MAP7: variants seen among roughly 807,000 people sequenced by gnomAD.
MAP7 encodes the protein ensconsin.
Under a neutral mutation model 94.8 loss-of-function variants are expected in MAP7, and 52 were observed. The observed-to-expected ratio is 0.55, with a 90% CI of 0.44 to 0.69. The LOEUF (loss-of-function observed/expected upper bound fraction) is 0.69, where lower values mean the gene tolerates loss of function less well. Among genes scored for constraint, MAP7 ranks in the 30% least tolerant of loss-of-function variants. The pLI, the probability that MAP7 is intolerant of heterozygous loss-of-function variation, is 0.00. For missense variants in MAP7, 940 were observed against 964.6 expected (o/e 0.97, Z 0.34); for synonymous variants, 350 against 357.0 (o/e 0.98, Z 0.22).
intron 1 of MAP7, among the ~76,000 whole-genome samples, chr6:136,546,361 A>C (rs879782653): frequency 2.9e-3 from 212 of 72,234 alleles, no homozygotes; most frequent in African/African-American, 4.6e-3. Context: ...GCCACCTCCC[A>C]CCCCCTACCC....
intron 2 of MAP7, among the ~76,000 whole-genome samples, chr6:136,415,239 G>A (rs536415259): frequency 2.1e-4 from 32 of 152,188 alleles, no homozygotes; most frequent in Admixed American, 1.4e-3. Flanking sequence ...ATAAACTGCC[G>A]CACCCAGCCT....
chr6:136,351,182 T>G (rs1789072182), intron 16 of MAP7, among the ~76,000 whole-genome samples: 1 of 151,716 alleles, frequency 6.6e-6, no homozygotes, highest in Non-Finnish European at 1.5e-5. Context: ...TTAAGACATC[T>G]TGGGATCACT....
rs758501500 is a variant in MAP7, at chr6:136,346,015, C to G, written c.2080G>C (p.Glu694Gln). Residue 694 changes from glutamate (E) to glutamine (Q), a missense_variant, in exon 17 of 18, where the codon GAA (glutamate) becomes CAA (glutamine). Physicochemically the swap from Glu to Gln is conservative, Grantham distance 29. Transcript: ENST00000354570. ...GVSVQNENFE[E>Q]IINLPIGSKP... ...GATCCAATGGGTAAGTTTATAATTTCTTCAAAATTTTCATTCTGAACAGAT... is the reference window on the plus strand; with the variant it reads ...GATCCAATGGGTAAGTTTATAATTTGTTCAAAATTTTCATTCTGAACAGAT... 1 of 1,613,770 alleles carries G rather than the reference C, an allele frequency of 6.2e-7. No homozygotes were observed. Among genetic ancestry groups the G allele is most frequent in the South Asian group, 1.1e-5 (1 of 91,076 alleles).
chr6:136,462,279 T>C (rs906065868), intron 1 of MAP7, among the ~76,000 whole-genome samples: 3 of 152,032 alleles, frequency 2.0e-5, no homozygotes, highest in Non-Finnish European at 4.4e-5. Flanking sequence ...TGAGAAAGGA[T>C]TGGGGGCTTT....
intron 1 of MAP7, among the ~76,000 whole-genome samples, chr6:136,496,213 C>T (rs1818163552): frequency 6.6e-6 from 1 of 152,138 alleles, no homozygotes; most frequent in Admixed American, 6.5e-5. Context: ...AAAAGATATC[C>T]ACTGGGGGAC....
chr6:136,386,789 T>C (rs1200029090), intron 5 of MAP7, among the ~76,000 whole-genome samples: 1 of 152,224 alleles, frequency 6.6e-6, no homozygotes, highest in East Asian at 1.9e-4. Context: ...TGATATTCCT[T>C]GGACTTAAAC....
chr6:136,513,951 C>A (rs1219878669), intron 1 of MAP7, among the ~76,000 whole-genome samples: 1 of 152,182 alleles, frequency 6.6e-6, no homozygotes, highest in Non-Finnish European at 1.5e-5. Flanking sequence ...ACTCTCTCAC[C>A]TGTACGTAAG....
intron 1 of MAP7, among the ~76,000 whole-genome samples, chr6:136,426,752 G>C (rs1793287271): frequency 6.6e-6 from 1 of 152,212 alleles, no homozygotes; most frequent in Non-Finnish European, 1.5e-5. Flanking sequence ...AATATGACAA[G>C]AGAAACTGGC....
chr6:136,387,325 A>C (rs1779436287), intron 5 of MAP7, among the ~76,000 whole-genome samples: 1 of 152,222 alleles, frequency 6.6e-6, no homozygotes, highest in Admixed American at 6.5e-5. Context: ...TTAAAGGTTT[A>C]ATCCTGACAT....
chr6:136,467,273 T>C (rs1183163633), intron 1 of MAP7, among the ~76,000 whole-genome samples: 2 of 152,222 alleles, frequency 1.3e-5, no homozygotes, highest in East Asian at 3.8e-4. Context: ...AACAGTGACA[T>C]TTAAAACCCT....
In MAP7 at chr6:136,406,149, GA is replaced by G. The variant is rs138915183; in HGVS notation, c.244+5470del. ...TACTCTGGTTCTAGTAATGGTTTCTGAAGAGAAATCGGTAACCAGGATCGAT... is the reference window on the plus strand; with the variant it reads ...TACTCTGGTTCTAGTAATGGTTTCTGAGAGAAATCGGTAACCAGGATCGAT... On this transcript the variant is annotated intron_variant, in intron 3 of 17. Transcript: ENST00000354570. Among the ~76,000 whole-genome samples the G allele has an allele frequency of 7.9e-4, 120 of 152,252 alleles. 1 individual carries two copies. In the East Asian group the frequency reaches 0.021, roughly 27 times the overall value.
chr6:136,522,044 A>C (rs1381127508), intron 1 of MAP7, among the ~76,000 whole-genome samples: 1 of 152,190 alleles, frequency 6.6e-6, no homozygotes. Flanking sequence ...AGCATTTAAC[A>C]AATGCTGGTT....
intron 1 of MAP7, among the ~76,000 whole-genome samples, chr6:136,428,347 C>T (rs542262460): frequency 6.6e-6 from 1 of 152,206 alleles, no homozygotes; most frequent in African/African-American, 2.4e-5. Context: ...GAAACCTCGT[C>T]CCTACTAAGC....
At position 136,514,580 on chromosome 6, in the gene MAP7, C is replaced by CAAAAAAAAAA. The variant is rs1046225937; in HGVS notation, c.67+35752_67+35761dup. Among the ~76,000 whole-genome samples the CAAAAAAAAAA allele has an allele frequency of 2.0e-4, 10 of 49,050 alleles. 1 individual carries two copies. The highest frequency in any genetic ancestry group is 5.8e-4 in the African/African-American group (9 of 15,476). 32.2% of individuals were successfully genotyped at this position (49,050 alleles called of 152,430 possible). A position where few individuals can be genotyped will look rare whatever the true frequency, so the allele number is the denominator to read the frequency against. ...TGGGTGACAGAGCAAGACTCTGTCT[C>CAAAAAAAAAA]AAAAAAAAAAAAAAAAAAAAAAAAA... On this transcript the variant is annotated intron_variant, in intron 1 of 17. Transcript: ENST00000354570.
Position 136,550,327 on chromosome 6 carries a change from C to T in MAP7, c.67+15G>A. ...CTGCCCGACGGGACCCCCACTATCC[C>T]CGCTGTGCGGTCACCTGTTTCGCTT... On this transcript the variant is annotated intron_variant, in intron 1 of 17. Transcript: ENST00000354570. This position sits in a 1 kb window ranked among gnomAD's most constrained non-coding sequence, Gnocchi z 5.1. The T allele has an allele frequency of 6.6e-7, 1 of 1,509,428 alleles. No homozygotes were observed. The highest frequency in any genetic ancestry group is 1.2e-5 in the South Asian group (1 of 80,778). 93.5% of individuals were successfully genotyped at this position (1,509,428 alleles called of 1,614,324 possible). A position where few individuals can be genotyped will look rare whatever the true frequency, so the allele number is the denominator to read the frequency against.
At chr6:136,399,995 G>A (rs1783600175) in intron 3 of MAP7, among the ~76,000 whole-genome samples, 1 of 152,144 alleles carries the variant, frequency 6.6e-6, no homozygotes, top group African/African-American at 2.4e-5. Flanking sequence ...GAATGGAAAA[G>A]TTTAGCACAC....
chr6:136,511,594 G>A (rs1292148364), intron 1 of MAP7, among the ~76,000 whole-genome samples: 1 of 152,172 alleles, frequency 6.6e-6, no homozygotes, highest in Non-Finnish European at 1.5e-5. Flanking sequence ...AGAACTAGAG[G>A]GAATGTGGCT....
At chr6:136,394,722 C>G (rs979180127) in intron 3 of MAP7, among the ~76,000 whole-genome samples, 6 of 151,042 alleles carry the variant, frequency 4.0e-5, no homozygotes, top group South Asian at 2.1e-4. Context: ...TAACCTCCCC[C>G]CCACCTTTCT....
At chr6:136,354,122 AT>A (rs1790075625) in intron 16 of MAP7, among the ~76,000 whole-genome samples, 2 of 49,040 alleles carry the variant, frequency 4.1e-5, no homozygotes, top group East Asian at 8.8e-4. Flanking sequence ...ATATATATAT[AT>A]TATATATATA....
Sources: allele counts gnomAD v4.1 joint callset (sites outside exome capture counted in the v4.1 genomes callset), GRCh38; gene constraint gnomAD v4.1.1; non-coding constraint Gnocchi (gnomAD v3.1); transcripts MANE v1.5; gene names NCBI Gene and HGNC (gene_info 2026-07-23, HGNC 2026-07-21).